ZNF69: variants seen among roughly 807,000 people sequenced by gnomAD.
ZNF69 encodes the protein ZNF3.
Under a neutral mutation model 50.9 loss-of-function variants are expected in ZNF69, and 47 were observed. The ratio of observed to expected loss-of-function variants is 0.92; its 90% CI spans 0.73 to 1.18. The LOEUF (loss-of-function observed/expected upper bound fraction) is 1.18. ZNF69 is among the 50% of genes most tolerant of loss of function. ZNF69 has a pLI of 0.00. For synonymous variants in ZNF69, 216 were observed against 223.1 expected, an observed-to-expected ratio of 0.97 and a Z score of 0.29; for missense variants, 717 against 675.1, an observed-to-expected ratio of 1.06 and a Z score of -0.69.
intron 4 of ZNF69, among the ~76,000 whole-genome samples, chr19:11,913,063 G>C (rs530663730): frequency 6.6e-6 from 1 of 151,992 alleles, no homozygotes; most frequent in Non-Finnish European, 1.5e-5. Flanking sequence ...CAGGCGTGGT[G>C]GTGGGTGCCT....
chr19:11,932,473 T>C, the ZNF69 span, among the ~76,000 whole-genome samples: 3 of 148,540 alleles, frequency 2.0e-5, no homozygotes. Flanking sequence ...GTATTACATA[T>C]GCACAAAATA....
downstream of ZNF69, among the ~76,000 whole-genome samples, chr19:11,911,114 C>T (rs1972451429): frequency 6.6e-6 from 1 of 152,098 alleles, no homozygotes; most frequent in South Asian, 2.1e-4. Context: ...AAATCAAAAC[C>T]ACAATGAAAT....
chr19:11,927,438 A>AT, the ZNF69 span, among the ~76,000 whole-genome samples: 21 of 148,804 alleles, frequency 1.4e-4, no homozygotes, highest in African/African-American at 5.0e-4. Flanking sequence ...AAATAAATAA[A>AT]TAAATAAATA....
the ZNF69 span, chr19:11,956,610 C>CT: frequency 2.5e-6 from 1 of 398,560 alleles, no homozygotes; most frequent in Non-Finnish European, 4.4e-6. Flanking sequence ...AATCCCAGCA[C>CT]TTTGGGAGGC....
the ZNF69 span, among the ~76,000 whole-genome samples, chr19:11,964,103 G>A: frequency 6.6e-6 from 1 of 152,256 alleles, no homozygotes; most frequent in African/African-American, 2.4e-5. Context: ...GCCGAGGCCA[G>A]TGTGGATCCT....
the ZNF69 span, among the ~76,000 whole-genome samples, chr19:11,936,323 A>G: frequency 0.18 from 26,824 of 151,992 alleles, 5,063 homozygotes; most frequent in African/African-American, 0.48. Context: ...AAGTGTTCCT[A>G]TTTCTCCACA....
At chr19:11,958,451 T>A in the ZNF69 span, among the ~76,000 whole-genome samples, 2 of 152,248 alleles carry the variant, frequency 1.3e-5, no homozygotes, top group South Asian at 4.2e-4. Flanking sequence ...GCTGGAGAAT[T>A]CGCTGGTGTT....
the ZNF69 span, among the ~76,000 whole-genome samples, chr19:11,957,670 C>T: frequency 2.0e-5 from 3 of 151,748 alleles, no homozygotes; most frequent in Admixed American, 6.6e-5. Context: ...CATGGTGAAA[C>T]ACCATCTCTA....
chr19:11,896,571 G>A (rs62113967), intron 1 of ZNF69, among the ~76,000 whole-genome samples: 27,916 of 151,956 alleles, frequency 0.18, 3,411 homozygotes, highest in Non-Finnish European at 0.27. Flanking sequence ...AGAGGAAGCC[G>A]GCTCTCCTGT....
chr19:11,950,488 C>T, the ZNF69 span: 18 of 653,158 alleles, frequency 2.8e-5, no homozygotes, highest in South Asian at 5.0e-5. Context: ...TATTCTAGTT[C>T]CGTTTGATAT....
the ZNF69 span, among the ~76,000 whole-genome samples, chr19:11,945,121 T>C: frequency 1.3e-5 from 2 of 152,212 alleles, no homozygotes; most frequent in Admixed American, 1.3e-4. Flanking sequence ...TGTAAAAGGC[T>C]TTGTTAGATT....
rs368573489 is a variant in ZNF69, at chr19:11,903,693, T to A, written c.184T>A (p.Ser62Thr). 45 of 1,614,002 alleles carry A rather than the reference T, an allele frequency of 2.8e-5. No homozygotes were observed. Among genetic ancestry groups the A allele is most frequent in the Non-Finnish European group, 3.7e-5 (44 of 1,179,928 alleles). Residue 62 changes from serine (S) to threonine (T), a missense_variant, in exon 2 of 4, where the codon TCT (serine) becomes ACT (threonine). Physicochemically the swap from Ser to Thr is moderately conservative, Grantham distance 58 (BLOSUM62 1). Transcript: ENST00000429654. Reference sequence around the variant, plus strand: ...GCTGGAAACTTTCAGGAACCTGACCTCTGTAGGTAAGGATGACATATTCCT... The same window carrying A: ...GCTGGAAACTTTCAGGAACCTGACCACTGTAGGTAAGGATGACATATTCCT... ...VMLETFRNLT[S>T]VGKSWKDQNI... is the part of the protein sequence containing the mutation.
the ZNF69 span, chr19:11,979,504 T>G: frequency 6.2e-7 from 1 of 1,602,762 alleles, no homozygotes; most frequent in East Asian, 2.2e-5. Flanking sequence ...CCACGTCATT[T>G]CAAAGACATG....
the ZNF69 span, among the ~76,000 whole-genome samples, chr19:11,933,545 CT>C: frequency 6.8e-6 from 1 of 147,628 alleles, no homozygotes; most frequent in Non-Finnish European, 1.5e-5. Flanking sequence ...TCTGCCACCC[CT>C]ATTTATCCCT....
At chr19:11,939,538 A>G in the ZNF69 span, among the ~76,000 whole-genome samples, 1 of 152,130 alleles carries the variant, frequency 6.6e-6, no homozygotes, top group Non-Finnish European at 1.5e-5. Context: ...ATGGTTGTAT[A>G]TGTGTGGTAT....
chr19:11,887,803 G>GTA lies in ZNF69; in HGVS notation c.-121_-120insTA. On this transcript the variant is annotated 5_prime_UTR_variant, in exon 1 of 4. Transcript: ENST00000429654. ...GCCCACTGTTCCTCCAGACACTGAG[G>GTA]GGGTCGCATTCCTTACCTCACCTTT... The GTA allele has an allele frequency of 1.4e-6, 1 of 728,664 alleles. No individual in the cohort carries two copies. The highest frequency in any genetic ancestry group is 2.3e-6 in the Non-Finnish European group (1 of 444,444). 45.1% of individuals were successfully genotyped at this position (728,664 alleles called of 1,614,324 possible).
At chr19:11,967,436 G>T in the ZNF69 span, among the ~76,000 whole-genome samples, 1 of 151,724 alleles carries the variant, frequency 6.6e-6, no homozygotes, top group Admixed American at 6.6e-5. Context: ...ACGGAGTCTC[G>T]CTCTGTTGCC....
the ZNF69 span, among the ~76,000 whole-genome samples, chr19:11,923,627 C>T: frequency 1.3e-4 from 20 of 152,358 alleles, no homozygotes; most frequent in Admixed American, 3.9e-4. Context: ...AGTCCCTCAG[C>T]TGCCACCTCC....
the ZNF69 span, among the ~76,000 whole-genome samples, chr19:11,943,624 T>C: frequency 2.0e-5 from 3 of 152,216 alleles, no homozygotes; most frequent in Non-Finnish European, 2.9e-5. Context: ...TTTCCTGGGT[T>C]ACACACTTTG....
Sources: gnomAD v4.1 joint callset for allele counts (sites outside exome capture counted in the v4.1 genomes callset) on GRCh38, gnomAD v4.1.1 for gene constraint, MANE v1.5 for transcripts, NCBI Gene and HGNC (gene_info 2026-07-23, HGNC 2026-07-21) for gene names.